FHIP2A: variants seen among roughly 807,000 people sequenced by gnomAD.
FHIP2A encodes the protein FHF complex subunit HOOK interacting protein 2A, also known as family with sequence similarity 160 member B1.
In FHIP2A, 46 loss-of-function variants were observed where a neutral mutation model predicts 93.5. The observed-to-expected ratio is 0.49, with a 90% CI of 0.39 to 0.63. The LOEUF is 0.63. Ranked by LOEUF, FHIP2A falls within the 20% of genes least tolerant of loss-of-function variation. The pLI, the probability that FHIP2A is intolerant of heterozygous loss-of-function variation, is 0.00. For missense variants in FHIP2A, 769 were observed against 909.7 expected (o/e 0.85, Z 1.99); for synonymous variants, 332 against 326.5 (o/e 1.02, Z -0.18).
downstream of FHIP2A, among the ~76,000 whole-genome samples, chr10:114,868,813 T>C (rs1052364587): frequency 5.9e-5 from 9 of 152,202 alleles, no homozygotes; most frequent in African/African-American, 2.2e-4. Context: ...ACACTATTAA[T>C]TTCTTCCAAT....
downstream of FHIP2A, among the ~76,000 whole-genome samples, chr10:114,867,199 A>C: frequency 1.4e-5 from 2 of 140,922 alleles, no homozygotes; most frequent in African/African-American, 2.6e-5. Flanking sequence ...ACAGAGTGAG[A>C]CTCCATCTCA....
At chr10:114,825,091 C>T (rs2083565304) in intron 1 of FHIP2A, among the ~76,000 whole-genome samples, 1 of 152,192 alleles carries the variant, frequency 6.6e-6, no homozygotes, top group South Asian at 2.1e-4. Context: ...GATCATGGCT[C>T]ACTGCAGCCT....
At chr10:114,852,164 TC>T (rs1188690015) in intron 13 of FHIP2A, among the ~76,000 whole-genome samples, 1 of 148,458 alleles carries the variant, frequency 6.7e-6, no homozygotes, top group Non-Finnish European at 1.5e-5. Context: ...CTTTTAGGTG[TC>T]AGGTGTCATT....
Position 114,863,959 on chromosome 10 carries a change from T to G in FHIP2A, c.*2419T>G. On this transcript the variant is annotated 3_prime_UTR_variant, in exon 17 of 17. Coordinates refer to ENST00000369248, the MANE Select transcript of FHIP2A (RefSeq NM_020940.4). Reference sequence around the variant, plus strand: ...TTTAGTTATGAGCCGCATTCTTTACTTGATAGAACTCAGATTTGTCTTAGC... The same window carrying G: ...TTTAGTTATGAGCCGCATTCTTTACGTGATAGAACTCAGATTTGTCTTAGC... 1.9e-6 allele frequency: 2 copies of G among 1,057,268 alleles called. No individual in the cohort carries two copies. Among genetic ancestry groups the G allele is most frequent in the Non-Finnish European group, 2.3e-6 (2 of 872,654 alleles). 65.5% of individuals were successfully genotyped at this position (1,057,268 alleles called of 1,614,324 possible). A position where few individuals can be genotyped will look rare whatever the true frequency, so the allele number is the denominator to read the frequency against.
intron 13 of FHIP2A, among the ~76,000 whole-genome samples, chr10:114,849,412 A>G (rs1313636750): frequency 6.6e-6 from 1 of 152,174 alleles, no homozygotes; most frequent in East Asian, 1.9e-4. Context: ...GTGATTCACA[A>G]GTATAGTCCC....
chr10:114,875,926 AAGAAAG>A (rs1032189544), intron 16 of FHIP2A, among the ~76,000 whole-genome samples: 2 of 150,902 alleles, frequency 1.3e-5, no homozygotes, highest in Non-Finnish European at 1.5e-5. Context: ...GAAAGAAAGA[AAGAAAG>A]AGAAAGAAAA....
At chr10:114,859,794 T>C (rs546135947) in intron 14 of FHIP2A, among the ~76,000 whole-genome samples, 51 of 152,336 alleles carry the variant, frequency 3.3e-4, no homozygotes, top group African/African-American at 1.1e-3. Context: ...TACACAGATA[T>C]ACAGTTGTTT....
intron 1 of FHIP2A, among the ~76,000 whole-genome samples, chr10:114,828,068 G>A (rs1420682220): frequency 6.6e-6 from 1 of 151,760 alleles, no homozygotes; most frequent in Non-Finnish European, 1.5e-5. Context: ...TAATTTGCAT[G>A]TTAGAATTAG....
rs2083618285 is a variant in FHIP2A at position 114,833,278 on chromosome 10, A to G, written c.170A>G (p.Glu57Gly). 6.2e-7 allele frequency: 1 copy of G among 1,612,928 alleles called. No individual in the cohort carries two copies. Among genetic ancestry groups the G allele is most frequent in the Admixed American group, 1.7e-5 (1 of 59,960 alleles). Residue 57 changes from glutamate to glycine, a missense_variant, in exon 3 of 17, where the codon GAA (glutamate) becomes GGA (glycine). Transcript: ENST00000369248. ...GATACAAATATTCCATCGCATCTGG[A>G]ACAGATGTTAGATATACTGGTTCAA... ...VTDTNIPSHL[E>G]QMLDILVQEE...
chr10:114,892,165 T>C (rs976720224), intron 16 of FHIP2A, among the ~76,000 whole-genome samples: 4 of 152,124 alleles, frequency 2.6e-5, no homozygotes, highest in African/African-American at 9.7e-5. Flanking sequence ...TTTCATAGGG[T>C]GAAGAAAATT....
chr10:114,834,077 C>T (rs773150084), intron 3 of FHIP2A, among the ~76,000 whole-genome samples: 1 of 152,104 alleles, frequency 6.6e-6, no homozygotes, highest in African/African-American at 2.4e-5. Context: ...GGGGCCTCCC[C>T]AGCCCTAAAA....
chr10:114,891,845 A>G (rs910128801), intron 16 of FHIP2A, among the ~76,000 whole-genome samples: 2 of 151,756 alleles, frequency 1.3e-5, no homozygotes, highest in African/African-American at 4.8e-5. Context: ...CAAACTCCTG[A>G]CCTCAGGTGA....
Position 114,823,936 on chromosome 10 carries a change from A to C in FHIP2A, c.45+1813A>C, listed in dbSNP as rs147395627. ...TGATTTAACCAAACTCAAGTAAAAA[A>C]ATATTTGAGGGGGAAAAAAATTCTG... On this transcript the variant is annotated intron_variant, in intron 1 of 16. Transcript: ENST00000369248. Among the ~76,000 whole-genome samples the C allele has an allele frequency of 3.5e-3, 527 of 152,310 alleles. 1 individual carries two copies. The highest frequency in any genetic ancestry group is 0.012 in the African/African-American group (489 of 41,562).
chr10:114,891,620 CA>C (rs1407069866), intron 16 of FHIP2A, among the ~76,000 whole-genome samples: 2 of 117,470 alleles, frequency 1.7e-5, no homozygotes, highest in Non-Finnish European at 1.9e-5. Flanking sequence ...TGTGTATATA[CA>C]TATTTTTTTT....
chr10:114,891,524 A>G (rs1453249244), intron 16 of FHIP2A, among the ~76,000 whole-genome samples: 2 of 133,098 alleles, frequency 1.5e-5, no homozygotes, highest in African/African-American at 5.7e-5. Context: ...CACAAGGGTG[A>G]ATATATATAT....
chr10:114,873,360 T>C (rs1243208268), intron 16 of FHIP2A, among the ~76,000 whole-genome samples: 1 of 152,208 alleles, frequency 6.6e-6, no homozygotes, highest in Admixed American at 6.5e-5. Flanking sequence ...TCATATCTTA[T>C]CAAGAGTACA....
intron 16 of FHIP2A, among the ~76,000 whole-genome samples, chr10:114,894,555 T>C (rs2083991520): frequency 6.6e-6 from 1 of 152,086 alleles, no homozygotes; most frequent in Non-Finnish European, 1.5e-5. Flanking sequence ...GGTGACAGAG[T>C]GAGACCCTGT....
chr10:114,828,401 C>G (rs1178023329), intron 1 of FHIP2A, among the ~76,000 whole-genome samples: 1 of 152,202 alleles, frequency 6.6e-6, no homozygotes, highest in Middle Eastern at 3.2e-3. Context: ...GATACTGTAA[C>G]TCCTCATATA....
At chr10:114,826,838 A>G (rs541075162) in intron 1 of FHIP2A, among the ~76,000 whole-genome samples, 1 of 152,308 alleles carries the variant, frequency 6.6e-6, no homozygotes, top group African/African-American at 2.4e-5. Context: ...TACTAAAAAT[A>G]CAAAAATTAG....
Sources: gnomAD v4.1 joint callset for allele counts (sites outside exome capture counted in the v4.1 genomes callset) on GRCh38, gnomAD v4.1.1 for gene constraint, MANE v1.5 for transcripts, NCBI Gene and HGNC (gene_info 2026-07-23, HGNC 2026-07-21) for gene names.